Variants in ATG10 observed in about 807,000 individuals in gnomAD.
ATG10 encodes autophagy related 10, also known as ubiquitin-like-conjugating enzyme ATG10.
ATG10 carries 30 observed loss-of-function variants against 32.1 expected under a neutral mutation model. The ratio of observed to expected loss-of-function variants is 0.94; its 90% CI spans 0.70 to 1.27. The LOEUF (loss-of-function observed/expected upper bound fraction) is 1.27. ATG10 is among the 50% of genes most tolerant of loss of function. The pLI, the probability that ATG10 is intolerant of heterozygous loss-of-function variation, is 0.00. For synonymous variants in ATG10, 87 were observed against 91.5 expected, an observed-to-expected ratio of 0.95 and a Z score of 0.28; for missense variants, 233 against 262.3, an observed-to-expected ratio of 0.89 and a Z score of 0.77.
intron 3 of ATG10, among the ~76,000 whole-genome samples, chr5:82,093,921 C>T (rs185955489): frequency 6.6e-6 from 1 of 152,120 alleles, no homozygotes; most frequent in Non-Finnish European, 1.5e-5. Flanking sequence ...CCATGACTTA[C>T]GACTGGTGAG....
intron 4 of ATG10, among the ~76,000 whole-genome samples, chr5:82,176,610 A>G (rs1470535245): frequency 6.6e-6 from 1 of 152,158 alleles, no homozygotes; most frequent in Non-Finnish European, 1.5e-5. Context: ...ACACATACAC[A>G]TATGCATGCA....
At chr5:81,974,841 C>T (rs1760823349) in intron 1 of ATG10, among the ~76,000 whole-genome samples, 1 of 152,194 alleles carries the variant, frequency 6.6e-6, no homozygotes, top group Admixed American at 6.5e-5. Flanking sequence ...CAATATCCCT[C>T]AATCTATACT....
At chr5:82,117,216 T>C (rs759200971) in intron 3 of ATG10, among the ~76,000 whole-genome samples, 3 of 151,994 alleles carry the variant, frequency 2.0e-5, no homozygotes, top group Non-Finnish European at 4.4e-5. Context: ...GTTGTTATAA[T>C]GGAAGCATAT....
chr5:82,113,962 G>T (rs992376884), intron 3 of ATG10, among the ~76,000 whole-genome samples: 1 of 151,634 alleles, frequency 6.6e-6, no homozygotes, highest in Non-Finnish European at 1.5e-5. Context: ...GTGTTTTTTG[G>T]CATACATAAT....
chr5:82,048,913 G>T lies in ATG10; in HGVS notation c.109-9582G>T, dbSNP rs1446523111. 3.9e-5 allele frequency among the ~76,000 whole-genome samples: 6 copies of T among 151,980 alleles called. No individual in the cohort carries two copies. The East Asian group carries it at 1.2e-3, about 29-fold the overall frequency. Reference sequence around the variant, plus strand: ...TCAGGAGACAACAGGTGCTGGAGAGGATGTGGAGAAATAGGAACACTTTTA... The same window carrying T: ...TCAGGAGACAACAGGTGCTGGAGAGTATGTGGAGAAATAGGAACACTTTTA... On this transcript the variant is annotated intron_variant, in intron 2 of 7. Coordinates refer to ENST00000282185, the MANE Select transcript of ATG10 (RefSeq NM_031482.5).
chr5:82,043,081 T>C (rs1472986252), intron 2 of ATG10, among the ~76,000 whole-genome samples: 2 of 152,208 alleles, frequency 1.3e-5, no homozygotes, highest in African/African-American at 2.4e-5. Context: ...CCATGAGGGC[T>C]CCACCCCTGC....
chr5:82,207,885 A>G (rs925459764), intron 5 of ATG10, among the ~76,000 whole-genome samples: 18 of 152,232 alleles, frequency 1.2e-4, no homozygotes, highest in African/African-American at 3.9e-4. Context: ...ATAAATTAAA[A>G]TAGCTACATG....
intron 1 of ATG10, among the ~76,000 whole-genome samples, chr5:81,983,829 C>T (rs183026914): frequency 2.1e-4 from 30 of 145,154 alleles, no homozygotes; most frequent in African/African-American, 2.3e-4. Context: ...CAGACGGGGT[C>T]GTGGCCAGGC....
At chr5:82,199,992 A>T (rs764762285) in intron 5 of ATG10, among the ~76,000 whole-genome samples, 11 of 152,274 alleles carry the variant, frequency 7.2e-5, no homozygotes, top group Non-Finnish European at 1.5e-4. Context: ...GCTGAGTAGT[A>T]TTCCATTGTA....
At chr5:82,169,420 T>G (rs981211653) in intron 4 of ATG10, among the ~76,000 whole-genome samples, 1 of 152,052 alleles carries the variant, frequency 6.6e-6, no homozygotes, top group Non-Finnish European at 1.5e-5. Flanking sequence ...GAAAATGAGT[T>G]GGAAAGAACA....
At chr5:82,084,330 T>C (rs1764590245) in intron 3 of ATG10, among the ~76,000 whole-genome samples, 2 of 152,172 alleles carry the variant, frequency 1.3e-5, no homozygotes, top group Non-Finnish European at 2.9e-5. Flanking sequence ...TATGGAACTA[T>C]GTGAAAATAC....
At chr5:81,989,188 C>A (rs1380563997) in intron 2 of ATG10, among the ~76,000 whole-genome samples, 1 of 152,224 alleles carries the variant, frequency 6.6e-6, no homozygotes, top group Admixed American at 6.5e-5. Flanking sequence ...GGTAAATTTT[C>A]TCTACTTAAC....
intron 3 of ATG10, among the ~76,000 whole-genome samples, chr5:82,090,256 T>G (rs1379734104): frequency 6.6e-6 from 1 of 152,176 alleles, no homozygotes; most frequent in Non-Finnish European, 1.5e-5. Flanking sequence ...ATTATGCTTC[T>G]GGGCATCTAT....
intron 5 of ATG10, among the ~76,000 whole-genome samples, chr5:82,216,571 T>C (rs1449381110): frequency 6.6e-6 from 1 of 152,162 alleles, no homozygotes; most frequent in Non-Finnish European, 1.5e-5. Flanking sequence ...AGCATGCTAA[T>C]TAGGTATGAA....
intron 5 of ATG10, among the ~76,000 whole-genome samples, chr5:82,237,366 G>A (rs1028041897): frequency 4.6e-5 from 7 of 152,154 alleles, no homozygotes; most frequent in East Asian, 1.9e-4. Context: ...AGTCTTGGCC[G>A]GGTGTGGTGG....
At chr5:82,141,588 A>G (rs1410027222) in intron 3 of ATG10, among the ~76,000 whole-genome samples, 1 of 152,154 alleles carries the variant, frequency 6.6e-6, no homozygotes, top group Non-Finnish European at 1.5e-5. Context: ...TGAAGAGATG[A>G]AAAAAATAAG....
intron 5 of ATG10, among the ~76,000 whole-genome samples, chr5:82,237,857 C>T (rs1049290111): frequency 6.6e-6 from 1 of 152,148 alleles, no homozygotes; most frequent in Non-Finnish European, 1.5e-5. Flanking sequence ...TCATTTGACT[C>T]AAGATCTCTC....
chr5:82,105,779 T>C (rs910658369), intron 3 of ATG10, among the ~76,000 whole-genome samples: 3 of 152,130 alleles, frequency 2.0e-5, no homozygotes, highest in Admixed American at 2.0e-4. Flanking sequence ...TTGCAGAGGC[T>C]AACAGTCAAG....
chr5:82,102,280 A>G (rs1412741838), intron 3 of ATG10, among the ~76,000 whole-genome samples: 1 of 152,136 alleles, frequency 6.6e-6, no homozygotes, highest in East Asian at 1.9e-4. Flanking sequence ...TTGGTGTGGT[A>G]TGTATTTTGG....
Sources: allele counts gnomAD v4.1 joint callset (sites outside exome capture counted in the v4.1 genomes callset), GRCh38; gene constraint gnomAD v4.1.1; transcripts MANE v1.5; gene names NCBI Gene and HGNC (gene_info 2026-07-23, HGNC 2026-07-21).